UBQLN1: variants seen among roughly 807,000 people sequenced by gnomAD.
UBQLN1 encodes ubiquilin 1, also known as ubiquilin-1.
In UBQLN1, 13 loss-of-function variants were observed where a neutral mutation model predicts 65.4. The ratio of observed to expected loss-of-function variants is 0.20; its 90% CI spans 0.13 to 0.32. UBQLN1 has a LOEUF of 0.32. UBQLN1 is among the 10% of genes least tolerant of loss of function. The probability of loss-of-function intolerance (pLI) is 1.00; values close to 1 mark genes in which losing one functional copy is unlikely to be tolerated. For synonymous variants in UBQLN1, 267 were observed against 247.8 expected (o/e 1.08, Z -0.73); for missense variants, 561 against 724.0 (o/e 0.77, Z 2.58).
chr9:83,668,090 A>C (rs1281687458), intron 7 of UBQLN1: 1 of 985,268 alleles, frequency 1.0e-6, no homozygotes, highest in African/African-American at 1.7e-5. Flanking sequence ...AGCATTTAAT[A>C]CTAACAACTC....
At chr9:83,705,438 C>T (rs1050945585) in intron 1 of UBQLN1, among the ~76,000 whole-genome samples, 1 of 152,066 alleles carries the variant, frequency 6.6e-6, no homozygotes, top group African/African-American at 2.4e-5. Flanking sequence ...TTAGTAGAGA[C>T]GGGGTTTCAC....
At chr9:83,693,585 C>T (rs140791765) in intron 1 of UBQLN1, among the ~76,000 whole-genome samples, 1 of 151,844 alleles carries the variant, frequency 6.6e-6, no homozygotes, top group Non-Finnish European at 1.5e-5. Flanking sequence ...GTTAGAAAAC[C>T]GTATCAAATA....
At chr9:83,698,358 C>T (rs1222398556) in intron 1 of UBQLN1, among the ~76,000 whole-genome samples, 1 of 152,130 alleles carries the variant, frequency 6.6e-6, no homozygotes, top group African/African-American at 2.4e-5. Flanking sequence ...TATTAAGCAC[C>T]TGAAATGTGG....
intron 6 of UBQLN1, among the ~76,000 whole-genome samples, chr9:83,673,762 T>C (rs1465271103): frequency 6.6e-6 from 1 of 152,088 alleles, no homozygotes; most frequent in East Asian, 1.9e-4. Flanking sequence ...AGTGAGTACT[T>C]GCAACAGAAA....
At chr9:83,671,264 A>G (rs562380204) in intron 6 of UBQLN1, among the ~76,000 whole-genome samples, 1 of 152,312 alleles carries the variant, frequency 6.6e-6, no homozygotes, top group African/African-American at 2.4e-5. Context: ...GTTCATGTTG[A>G]TATTTTGACA....
chr9:83,661,741 C>T lies in UBQLN1; in HGVS notation c.*46G>A. 6.4e-7 allele frequency: 1 copy of T among 1,553,650 alleles called. No individual in the cohort carries two copies. The highest frequency in any genetic ancestry group is 8.7e-7 in the Non-Finnish European group (1 of 1,148,170). On this transcript the variant is annotated 3_prime_UTR_variant, in exon 11 of 11. Coordinates refer to ENST00000376395, the MANE Select transcript of UBQLN1 (RefSeq NM_013438.5). ...AAGCAGGTATTTTAAAGTTTAAGAG[C>T]CGTTATCAAAAATAAATTACATTTT...
At chr9:83,669,153 C>T (rs1831689956) in intron 7 of UBQLN1, 32 bp downstream of exon 7, 2 of 1,594,210 alleles carry the variant, frequency 1.3e-6, no homozygotes, top group Admixed American at 3.8e-5. Flanking sequence ...ATTCACACTG[C>T]ACAGTCTTTT....
At chr9:83,662,554 A>T (rs865986143) in intron 10 of UBQLN1, among the ~76,000 whole-genome samples, 5 of 152,204 alleles carry the variant, frequency 3.3e-5, no homozygotes, top group Admixed American at 6.5e-5. Context: ...TTAAAAAAAA[A>T]AATCTCCATA....
intron 6 of UBQLN1, among the ~76,000 whole-genome samples, chr9:83,674,149 C>T (rs1357146811): frequency 6.6e-6 from 1 of 150,654 alleles, no homozygotes; most frequent in Non-Finnish European, 1.5e-5. Context: ...CACAGTGAAT[C>T]AGTTATACTC....
At chr9:83,687,284 G>C (rs1832055572) in intron 1 of UBQLN1, among the ~76,000 whole-genome samples, 1 of 152,134 alleles carries the variant, frequency 6.6e-6, no homozygotes, top group Non-Finnish European at 1.5e-5. Context: ...CCAGACAAGA[G>C]AAAAGAGCAT....
Position 83,660,243 on chromosome 9 carries a change from G to A in UBQLN1, c.*1544C>T, listed in dbSNP as rs1287770926. On this transcript the variant is annotated 3_prime_UTR_variant, in exon 11 of 11. Transcript: ENST00000376395. ...ACCTGGCCTCTTAACCTTTTTAATA[G>A]CAAGCAACATACAGAAGTAATGCAA... 1 of 152,608 alleles carries A rather than the reference G, an allele frequency of 6.6e-6. No individual in the cohort carries two copies. The highest frequency in any genetic ancestry group is 2.4e-5 in the African/African-American group (1 of 41,434). The allele number at this position is 152,608 out of a possible 1,614,324, so 9.5% of individuals were successfully genotyped here. A position where few individuals can be genotyped will look rare whatever the true frequency, so the allele number is the denominator to read the frequency against.
chr9:83,695,724 T>C (rs967997615), intron 1 of UBQLN1, among the ~76,000 whole-genome samples: 7 of 152,188 alleles, frequency 4.6e-5, no homozygotes, highest in South Asian at 2.1e-4. Context: ...AACTAACTCA[T>C]AGTTGTATAA....
chr9:83,679,505 A>G (rs1831904523), intron 4 of UBQLN1, among the ~76,000 whole-genome samples: 2 of 152,232 alleles, frequency 1.3e-5, no homozygotes, highest in African/African-American at 4.8e-5. Context: ...AGAAGGAAGC[A>G]CTTTGTTATG....
At position 83,676,660 on chromosome 9, in the gene UBQLN1, C is replaced by G. The variant is rs542061329; in HGVS notation, c.1105+1067G>C. Among the ~76,000 whole-genome samples, 23 of 152,300 alleles carry G rather than the reference C, an allele frequency of 1.5e-4. No homozygotes were observed. The South Asian group carries it at 4.1e-3, about 27-fold the overall frequency. On this transcript the variant is annotated intron_variant, in intron 6 of 10. Coordinates refer to ENST00000376395, the MANE Select transcript of UBQLN1 (RefSeq NM_013438.5). ...ATATCAACTGTGATCATTAATTACT[C>G]TTCTCATTCTGATTCTTCTTTCAGC...
intron 1 of UBQLN1, among the ~76,000 whole-genome samples, chr9:83,702,395 CA>C (rs1207650316): frequency 2.0e-5 from 3 of 151,986 alleles, no homozygotes; most frequent in African/African-American, 7.3e-5. Context: ...TAGAACAAAG[CA>C]AATAAGAAAA....
chr9:83,663,831 C>T, intron 10 of UBQLN1, 44 bp downstream of exon 10: 1 of 1,565,080 alleles, frequency 6.4e-7, no homozygotes, highest in Non-Finnish European at 8.6e-7. Context: ...TTCTAAATTT[C>T]CAACATTAAG....
In UBQLN1 at chr9:83,661,718, G is replaced by C. The variant is rs1210302734; in HGVS notation, c.*69C>G. 6 of 1,481,572 alleles carry C rather than the reference G, an allele frequency of 4.0e-6. No individual in the cohort carries two copies. The highest frequency in any genetic ancestry group is 5.5e-6 in the Non-Finnish European group (6 of 1,095,430). The allele number at this position is 1,481,572 out of a possible 1,614,324, so 91.8% of individuals were successfully genotyped here. A position where few individuals can be genotyped will look rare whatever the true frequency, so the allele number is the denominator to read the frequency against. On this transcript the variant is annotated 3_prime_UTR_variant, in exon 11 of 11. Coordinates refer to ENST00000376395, the MANE Select transcript of UBQLN1 (RefSeq NM_013438.5). ...ATTCCAAGAGTCAAAATGAAATAAAGCAGGTATTTTAAAGTTTAAGAGCCG... is the reference window on the plus strand; with the variant it reads ...ATTCCAAGAGTCAAAATGAAATAAACCAGGTATTTTAAAGTTTAAGAGCCG...
rs116441755 is a variant in UBQLN1 at position 83,679,677 on chromosome 9, C to A, written c.711+98G>T. 2,546 of 1,311,440 alleles carry A rather than the reference C, an allele frequency of 1.9e-3. 30 individuals are homozygous for A. The African/African-American group carries it at 0.033, about 17-fold the overall frequency. The allele number at this position is 1,311,440 out of a possible 1,614,324, so 81.2% of individuals were successfully genotyped here. On this transcript the variant is annotated intron_variant, in intron 4 of 10. Coordinates refer to ENST00000376395, the MANE Select transcript of UBQLN1 (RefSeq NM_013438.5). ...CCAAGATAAGGATTTCTCTCTTTAG[C>A]TTAACCATACATACAGGACAATCTC...
chr9:83,696,962 TAC>T (rs1832225468), intron 1 of UBQLN1, among the ~76,000 whole-genome samples: 1 of 152,146 alleles, frequency 6.6e-6, no homozygotes, highest in South Asian at 2.1e-4. Flanking sequence ...TAAAAAAAGA[TAC>T]AGAGTATTGC....
Sources: allele counts gnomAD v4.1 joint callset (sites outside exome capture counted in the v4.1 genomes callset), GRCh38; gene constraint gnomAD v4.1.1; transcripts MANE v1.5; gene names NCBI Gene and HGNC (gene_info 2026-07-23, HGNC 2026-07-21).